Variants in RIMS1 observed in about 807,000 individuals in gnomAD.
RIMS1 encodes regulating synaptic membrane exocytosis 1, also known as regulating synaptic membrane exocytosis protein 1.
In RIMS1, 83 loss-of-function variants were observed where a neutral mutation model predicts 214.1. The observed-to-expected ratio is 0.39, with a 90% CI of 0.32 to 0.47. RIMS1 has a LOEUF of 0.47. RIMS1 is among the 20% of genes least tolerant of loss of function. RIMS1 has a pLI of 0.99. For synonymous variants in RIMS1, 793 were observed against 786.8 expected, an observed-to-expected ratio of 1.01 and a Z score of -0.13; for missense variants, 2,050 against 2,161.8, an observed-to-expected ratio of 0.95 and a Z score of 1.03.
At chr6:72,179,981 G>T (rs773543382) in intron 5 of RIMS1, 66 bp downstream of exon 5, 121 of 1,093,910 alleles carry the variant, frequency 1.1e-4, no homozygotes, top group Non-Finnish European at 1.4e-4. Flanking sequence ...CCGTTTTCAA[G>T]AATTTAACTT....
At chr6:72,230,102 A>G (rs191922561) in intron 6 of RIMS1, among the ~76,000 whole-genome samples, 2 of 151,792 alleles carry the variant, frequency 1.3e-5, no homozygotes, top group Admixed American at 1.3e-4. Flanking sequence ...GATAATTGTG[A>G]TTTTTGGTCT....
chr6:72,298,990 A>C (rs1419754303), intron 26 of RIMS1, among the ~76,000 whole-genome samples: 1 of 151,966 alleles, frequency 6.6e-6, no homozygotes, highest in African/African-American at 2.4e-5. Flanking sequence ...CTGAAAGACC[A>C]TATCATTTTA....
intron 1 of RIMS1, among the ~76,000 whole-genome samples, chr6:71,888,559 G>A (rs1222081673): frequency 6.6e-6 from 1 of 152,196 alleles, no homozygotes; most frequent in African/African-American, 2.4e-5. Flanking sequence ...CCTCAGTGCA[G>A]CAGTGCCTCA....
At chr6:72,277,023 T>C (rs2086813904) in intron 23 of RIMS1, among the ~76,000 whole-genome samples, 1 of 152,228 alleles carries the variant, frequency 6.6e-6, no homozygotes, top group African/African-American at 2.4e-5. Context: ...ACTTTGGATA[T>C]CTTCTATCAG....
chr6:71,969,423 G>C (rs1795260328), intron 2 of RIMS1, among the ~76,000 whole-genome samples: 1 of 152,182 alleles, frequency 6.6e-6, no homozygotes, highest in Non-Finnish European at 1.5e-5. Flanking sequence ...ACAGGGTGCT[G>C]AGTGGGGGCC....
At chr6:72,311,901 G>A (rs769578194) in intron 27 of RIMS1, among the ~76,000 whole-genome samples, 2 of 152,112 alleles carry the variant, frequency 1.3e-5, no homozygotes, top group Admixed American at 1.3e-4. Context: ...AATCTGGGAG[G>A]CTAAGGTTGG....
intron 6 of RIMS1, among the ~76,000 whole-genome samples, chr6:72,189,389 T>C (rs1282621744): frequency 1.3e-5 from 2 of 152,130 alleles, no homozygotes; most frequent in Admixed American, 1.3e-4. Flanking sequence ...AGCCGTAAAG[T>C]GAGTACCTTC....
At chr6:72,218,940 G>C (rs898194307) in intron 6 of RIMS1, among the ~76,000 whole-genome samples, 1 of 152,130 alleles carries the variant, frequency 6.6e-6, no homozygotes, top group African/African-American at 2.4e-5. Context: ...GGGTGCTGCT[G>C]TTTATTAGTG....
intron 1 of RIMS1, among the ~76,000 whole-genome samples, chr6:71,893,079 C>T (rs1269653771): frequency 2.0e-5 from 3 of 152,118 alleles, no homozygotes; most frequent in Admixed American, 2.0e-4. Flanking sequence ...AAGAAAGGTG[C>T]CATTATTATG....
At chr6:72,280,395 C>T (rs867396466) in intron 23 of RIMS1, among the ~76,000 whole-genome samples, 2 of 151,886 alleles carry the variant, frequency 1.3e-5, no homozygotes, top group Non-Finnish European at 2.9e-5. Context: ...ATATCTCAAT[C>T]CAATTTATTC....
At chr6:72,386,360 G>T (rs1233227160) in intron 29 of RIMS1, among the ~76,000 whole-genome samples, 1 of 152,146 alleles carries the variant, frequency 6.6e-6, no homozygotes, top group East Asian at 1.9e-4. Flanking sequence ...CCGTCATCTG[G>T]ACTGCCAGCA....
At chr6:71,949,066 T>A (rs1417333945) in intron 1 of RIMS1, among the ~76,000 whole-genome samples, 2 of 152,210 alleles carry the variant, frequency 1.3e-5, no homozygotes, top group Non-Finnish European at 2.9e-5. Context: ...AAAGTACATT[T>A]CAAACTCTGC....
intron 29 of RIMS1, among the ~76,000 whole-genome samples, chr6:72,362,456 CT>C (rs1378284877): frequency 6.6e-6 from 1 of 151,886 alleles, no homozygotes; most frequent in African/African-American, 2.4e-5. Context: ...GGAAAGCCCT[CT>C]TGAAGAAAAT....
At chr6:71,946,571 A>G (rs1278858868) in intron 1 of RIMS1, among the ~76,000 whole-genome samples, 2 of 152,200 alleles carry the variant, frequency 1.3e-5, no homozygotes, top group African/African-American at 4.8e-5. Flanking sequence ...GGAAACCTAG[A>G]TATCCACTTG....
chr6:72,133,102 A>G (rs545400102), intron 4 of RIMS1, among the ~76,000 whole-genome samples: 2 of 152,310 alleles, frequency 1.3e-5, no homozygotes, highest in African/African-American at 4.8e-5. Context: ...GCAACAGGAA[A>G]TAAGCAAAAA....
intron 2 of RIMS1, among the ~76,000 whole-genome samples, chr6:72,029,492 A>G (rs530662382): frequency 1.8e-4 from 27 of 152,288 alleles, no homozygotes; most frequent in African/African-American, 6.5e-4. Context: ...ACATGTAAGG[A>G]CACAGCAAGA....
At chr6:72,139,783 T>C (rs918556173) in intron 4 of RIMS1, among the ~76,000 whole-genome samples, 4 of 152,200 alleles carry the variant, frequency 2.6e-5, no homozygotes, top group African/African-American at 9.6e-5. Flanking sequence ...TATTAAGTTA[T>C]TTAAAAATCA....
chr6:72,320,985 C>T (rs1165187056), intron 28 of RIMS1, among the ~76,000 whole-genome samples: 7 of 151,756 alleles, frequency 4.6e-5, no homozygotes, highest in Admixed American at 3.9e-4. Flanking sequence ...ATATGATTAC[C>T]TTGATTTCAG....
chr6:72,240,630 C>CTTTTTTTTTTTT (rs11344285), intron 9 of RIMS1, among the ~76,000 whole-genome samples: 1 of 82,504 alleles, frequency 1.2e-5, no homozygotes, highest in Non-Finnish European at 2.3e-5. Context: ...TTTCTTTTTT[C>CTTTTTTTTTTTT]TTTTTTTTTT....
Sources: allele counts gnomAD v4.1 joint callset (sites outside exome capture counted in the v4.1 genomes callset), GRCh38; gene constraint gnomAD v4.1.1; transcripts MANE v1.5; gene names NCBI Gene and HGNC (gene_info 2026-07-23, HGNC 2026-07-21).